Variants in CDH12 observed in about 807,000 individuals in gnomAD.
CDH12 encodes the protein cadherin-12.
Under a neutral mutation model 74.1 loss-of-function variants are expected in CDH12, and 41 were observed. The observed-to-expected ratio is 0.55, with a 90% CI of 0.43 to 0.72. CDH12 has a LOEUF of 0.72. CDH12 is among the 30% of genes least tolerant of loss of function. The probability of loss-of-function intolerance (pLI) is 0.00; values close to 1 mark genes in which losing one functional copy is unlikely to be tolerated. For missense variants in CDH12, 945 were observed against 977.2 expected (o/e 0.97, Z 0.44); for synonymous variants, 399 against 355.0 (o/e 1.12, Z -1.39).
chr5:22,059,622 T>G (rs961103969), intron 5 of CDH12, among the ~76,000 whole-genome samples: 2 of 152,158 alleles, frequency 1.3e-5, no homozygotes, highest in Non-Finnish European at 2.9e-5. Context: ...ACAATTTTAA[T>G]GCTCAACACT....
chr5:22,320,691 T>C (rs1279624466), intron 3 of CDH12, among the ~76,000 whole-genome samples: 1 of 152,174 alleles, frequency 6.6e-6, no homozygotes, highest in Admixed American at 6.5e-5. Context: ...CATGAGATCG[T>C]TTGCTTTTCT....
At chr5:22,636,802 T>C (rs1367234317) in intron 1 of CDH12, among the ~76,000 whole-genome samples, 1 of 152,232 alleles carries the variant, frequency 6.6e-6, no homozygotes, top group African/African-American at 2.4e-5. Context: ...TTTAACTGGT[T>C]GAAGCCATTT....
At chr5:22,827,324 A>G (rs1284356671) in intron 1 of CDH12, among the ~76,000 whole-genome samples, 1 of 152,256 alleles carries the variant, frequency 6.6e-6, no homozygotes, top group Non-Finnish European at 1.5e-5. Context: ...CAGGCATAAT[A>G]GTACACCTGG....
chr5:22,458,127 G>A (rs970489781), intron 2 of CDH12, among the ~76,000 whole-genome samples: 2 of 151,974 alleles, frequency 1.3e-5, no homozygotes, highest in African/African-American at 4.8e-5. Flanking sequence ...TCATCCACCC[G>A]CCTTGCCCTC....
At chr5:22,701,012 A>G (rs1742683364) in intron 1 of CDH12, among the ~76,000 whole-genome samples, 4 of 152,082 alleles carry the variant, frequency 2.6e-5, no homozygotes, top group African/African-American at 7.2e-5. Flanking sequence ...CAGTTTATCT[A>G]TCTTCAAAGC....
chr5:22,311,048 A>G (rs1228191111), intron 3 of CDH12, among the ~76,000 whole-genome samples: 1 of 152,154 alleles, frequency 6.6e-6, no homozygotes, highest in Non-Finnish European at 1.5e-5. Context: ...ACTATTTTAT[A>G]TTTACTTTAT....
intron 1 of CDH12, among the ~76,000 whole-genome samples, chr5:22,809,122 T>G (rs1484387160): frequency 1.3e-5 from 2 of 151,956 alleles, no homozygotes; most frequent in Non-Finnish European, 2.9e-5. Context: ...TTAATTCTGA[T>G]GAGCCTACAG....
chr5:21,836,965 TATCTGTAGGATCTTTTGGGGGA>T (rs1749570440), intron 8 of CDH12, among the ~76,000 whole-genome samples: 1 of 152,032 alleles, frequency 6.6e-6, no homozygotes, highest in Non-Finnish European at 1.5e-5. Flanking sequence ...TTTTCTGGGT[TATCTGTAGGATCTTTTGGGGGA>T]AAACACAGGC....
At chr5:22,758,466 C>T (rs188740617) in intron 1 of CDH12, among the ~76,000 whole-genome samples, 175 of 151,640 alleles carry the variant, frequency 1.2e-3, no homozygotes, top group African/African-American at 4.1e-3. Flanking sequence ...ATGAAAACTA[C>T]GAAGTTGTAA....
At chr5:22,686,918 TATCC>T (rs367937899) in intron 1 of CDH12, among the ~76,000 whole-genome samples, 2,906 of 152,308 alleles carry the variant, frequency 0.019, 81 homozygotes, top group African/African-American at 0.067. Flanking sequence ...TCTTTTTCCT[TATCC>T]CTCTGCCTCA....
intron 1 of CDH12, among the ~76,000 whole-genome samples, chr5:22,629,130 G>A (rs1580832148): frequency 6.6e-6 from 1 of 151,778 alleles, no homozygotes; most frequent in African/African-American, 2.4e-5. Flanking sequence ...CCAGGAAAAG[G>A]CCAGTACTAG....
At chr5:21,801,509 T>G (rs1208286001) in intron 10 of CDH12, among the ~76,000 whole-genome samples, 5 of 152,256 alleles carry the variant, frequency 3.3e-5, no homozygotes, top group Admixed American at 3.3e-4. Flanking sequence ...AAAGGGAAAT[T>G]GTATTATGTC....
intron 3 of CDH12, among the ~76,000 whole-genome samples, chr5:22,337,860 C>T (rs1178962312): frequency 1.3e-5 from 2 of 152,120 alleles, no homozygotes; most frequent in African/African-American, 4.8e-5. Flanking sequence ...CAGACAAAAC[C>T]ACAATGAAAT....
intron 1 of CDH12, among the ~76,000 whole-genome samples, chr5:22,669,130 C>G (rs1479392229): frequency 6.6e-6 from 1 of 152,008 alleles, no homozygotes; most frequent in African/African-American, 2.4e-5. Context: ...CATCAAAAAT[C>G]CATTCTCAAA....
intron 13 of CDH12, among the ~76,000 whole-genome samples, chr5:21,757,448 C>T (rs761498445): frequency 1.6e-4 from 24 of 152,130 alleles, no homozygotes; most frequent in Admixed American, 5.2e-4. Flanking sequence ...AGTGAGCCAC[C>T]GCACCCAGCC....
At chr5:21,773,223 AT>A (rs1200235903) in intron 11 of CDH12, among the ~76,000 whole-genome samples, 3 of 152,136 alleles carry the variant, frequency 2.0e-5, no homozygotes, top group African/African-American at 7.2e-5. Flanking sequence ...GTGATGGTTA[AT>A]TTGAGTGTCA....
intron 10 of CDH12, among the ~76,000 whole-genome samples, chr5:21,793,073 T>A (rs1314679612): frequency 1.3e-5 from 2 of 151,720 alleles, no homozygotes; most frequent in East Asian, 1.9e-4. Context: ...ATCATTTCAA[T>A]TTTTTTTCCT....
intron 4 of CDH12, among the ~76,000 whole-genome samples, chr5:22,155,517 T>C (rs989584699): frequency 1.4e-4 from 21 of 152,152 alleles, no homozygotes; most frequent in African/African-American, 4.8e-4. Context: ...ATTACAATAT[T>C]AGATAAAGAA....
chr5:22,717,209 G>T (rs967330080), intron 1 of CDH12, among the ~76,000 whole-genome samples: 2 of 152,066 alleles, frequency 1.3e-5, no homozygotes, highest in African/African-American at 4.8e-5. Context: ...AGTACTGCAA[G>T]CTCCATTCAT....
Sources: allele counts gnomAD v4.1 joint callset (sites outside exome capture counted in the v4.1 genomes callset), GRCh38; gene constraint gnomAD v4.1.1; transcripts MANE v1.5; gene names NCBI Gene and HGNC (gene_info 2026-07-23, HGNC 2026-07-21).